GAPVD1: variants seen among roughly 807,000 people sequenced by gnomAD.
GAPVD1 encodes the protein GTPase-activating protein and VPS9 domain-containing protein 1.
Under a neutral mutation model 155.5 loss-of-function variants are expected in GAPVD1, and 35 were observed. That is an observed-to-expected ratio of 0.23 (90% confidence interval 0.17 to 0.30). The LOEUF (loss-of-function observed/expected upper bound fraction) is 0.30. Ranked by LOEUF, GAPVD1 falls within the 10% of genes least tolerant of loss-of-function variation. GAPVD1 has a pLI of 1.00. For missense variants in GAPVD1, 1,429 were observed against 1,775.7 expected (o/e 0.80, Z 3.51); for synonymous variants, 636 against 619.7 (o/e 1.03, Z -0.39).
rs1012753364 is a variant in GAPVD1 at position 125,337,559 on chromosome 9, T to G, written c.2845T>G (p.Ser949Ala). The change falls in exon 17 of 28, where the codon TCA (serine) becomes GCA (alanine). Residue 949 changes from serine to alanine, a missense_variant. Physicochemically the swap from Ser to Ala is moderately conservative, Grantham distance 99 (BLOSUM62 1). Around this residue, in one of 4 missense-constraint regions of GAPVD1, gnomAD observed 699 missense variants for 826.0 expected, o/e 0.85. Transcript: ENST00000297933. ...GGTGGCTGCACCTCATTCATCATCT[T>G]CATCCCCGAGTAAGGACTCCTCAAG... is the stretch of plus-strand genomic sequence containing the variant. ...SLVAAPHSSS[S>A]SPSKDSSRGE... The G allele has an allele frequency of 2.0e-5, 33 of 1,613,948 alleles. No homozygotes were observed. Among genetic ancestry groups the G allele is most frequent in the Non-Finnish European group, 2.5e-5 (30 of 1,179,982 alleles).
chr9:125,338,827 G>GTATTTAA (rs1847401207), intron 17 of GAPVD1, among the ~76,000 whole-genome samples: 1 of 152,144 alleles, frequency 6.6e-6, no homozygotes, highest in African/African-American at 2.4e-5. Flanking sequence ...TTTAGGGGGA[G>GTATTTAA]AGGGTACTTT....
chr9:125,271,519 C>T (rs1024595740), intron 2 of GAPVD1, among the ~76,000 whole-genome samples: 1 of 151,972 alleles, frequency 6.6e-6, no homozygotes, highest in African/African-American at 2.4e-5. Flanking sequence ...TTAACAAATA[C>T]TTATATTTTT....
chr9:125,351,898 G>A (rs982940569), intron 23 of GAPVD1, among the ~76,000 whole-genome samples: 2 of 152,076 alleles, frequency 1.3e-5, no homozygotes, highest in Non-Finnish European at 2.9e-5. Context: ...GCGCCACCAC[G>A]CCTGGCTAAT....
chr9:125,262,892 A>C (rs1472493816), intron 1 of GAPVD1, among the ~76,000 whole-genome samples: 3 of 152,192 alleles, frequency 2.0e-5, no homozygotes, highest in African/African-American at 7.2e-5. Flanking sequence ...GTGATCAATA[A>C]AAATTACGGA....
At chr9:125,334,797 TA>T (rs35307761) in intron 15 of GAPVD1, among the ~76,000 whole-genome samples, 43 of 148,610 alleles carry the variant, frequency 2.9e-4, no homozygotes, top group Admixed American at 3.4e-4. Context: ...GTCCCATCTT[TA>T]AAAAAAAAAA....
At chr9:125,303,237 T>A (rs1422904322) in intron 5 of GAPVD1, among the ~76,000 whole-genome samples, 4 of 151,970 alleles carry the variant, frequency 2.6e-5, no homozygotes. Flanking sequence ...CAGGCTGGTC[T>A]TAAACTCCTG....
intron 8 of GAPVD1, 107 bp downstream of exon 8, chr9:125,307,987 T>C (rs1733374357): frequency 1.3e-6 from 1 of 773,604 alleles, no homozygotes; most frequent in South Asian, 1.5e-5. Flanking sequence ...TGGGAAAGTC[T>C]TTCTCTTCAT....
intron 14 of GAPVD1, 88 bp downstream of exon 14, chr9:125,332,148 G>C: frequency 2.4e-6 from 3 of 1,268,532 alleles, no homozygotes; most frequent in Non-Finnish European, 3.3e-6. Flanking sequence ...AAAAAGATAT[G>C]TTATATTTAA....
chr9:125,282,589 T>G (rs74434164), intron 2 of GAPVD1, among the ~76,000 whole-genome samples: 1,654 of 152,348 alleles, frequency 0.011, 21 homozygotes, highest in African/African-American at 0.036. Flanking sequence ...TTTTGTTATG[T>G]GATGGATATG....
At chr9:125,343,881 C>G (rs1848169027) in intron 19 of GAPVD1, among the ~76,000 whole-genome samples, 1 of 152,160 alleles carries the variant, frequency 6.6e-6, no homozygotes, top group African/African-American at 2.4e-5. Context: ...TTAATGACAT[C>G]TCATGTTTTT....
At position 125,298,925 on chromosome 9, in the gene GAPVD1, G is replaced by A; in HGVS notation, c.4G>A (p.Val2Met). Residue 2 changes from valine (V) to methionine (M), a missense_variant, in exon 4 of 28, where the codon GTG becomes ATG. Physicochemically the swap from Val to Met is conservative, Grantham distance 21. Coordinates refer to ENST00000297933, the MANE Select transcript of GAPVD1 (RefSeq NM_001282680.3). Reference protein sequence around the residue: MVKLDIHTLAHH... With the variant: MMKLDIHTLAHH... ...TTGAGCCTTTCCCACATTGAAGATG[G>A]TGAAACTAGATATTCATACTCTGGC... The A allele has an allele frequency of 6.3e-7, 1 of 1,594,242 alleles. No homozygotes were observed. The highest frequency in any genetic ancestry group is 8.5e-7 in the Non-Finnish European group (1 of 1,170,012).
At chr9:125,287,341 C>A (rs545116777) in intron 2 of GAPVD1, among the ~76,000 whole-genome samples, 1 of 152,138 alleles carries the variant, frequency 6.6e-6, no homozygotes, top group South Asian at 2.1e-4. Flanking sequence ...AGTTTGAGAC[C>A]AGCTTCTACA....
chr9:125,360,664 A>G lies in GAPVD1; in HGVS notation c.4181A>G (p.Asn1394Ser), dbSNP rs146927853. The change falls in exon 27 of 28, where the codon AAT becomes AGT. Residue 1394 changes from asparagine to serine, a missense_variant. Coordinates refer to ENST00000297933, the MANE Select transcript of GAPVD1 (RefSeq NM_001282680.3). ...ATTATGAACCTCCTGAGCCTGGCCA[A>G]TGAGGACTCTGTCCCTGGAGCGGAT... The part of the protein sequence containing the change: ...STIMNLLSLA[N>S]EDSVPGADDF... The G allele has an allele frequency of 1.2e-5, 19 of 1,614,128 alleles. No individual in the cohort carries two copies. The Admixed American group carries it at 1.7e-4, about 14-fold the overall frequency.
At chr9:125,349,610 A>G (rs897437221) in intron 21 of GAPVD1, 91 bp downstream of exon 21, 2 of 1,109,420 alleles carry the variant, frequency 1.8e-6, no homozygotes, top group Non-Finnish European at 1.3e-6. Flanking sequence ...TGAGTCAATA[A>G]ATGTATAAAG....
chr9:125,338,947 G>A (rs1204351182), intron 17 of GAPVD1, among the ~76,000 whole-genome samples: 1 of 149,480 alleles, frequency 6.7e-6, no homozygotes, highest in Non-Finnish European at 1.5e-5. Flanking sequence ...GTGTGTGTGT[G>A]TGTGTGTGTG....
In GAPVD1 at chr9:125,302,498, T is replaced by C. The variant is rs1453787665; in HGVS notation, c.701T>C (p.Leu234Pro). Residue 234 changes from leucine to proline, a missense_variant, in exon 5 of 28, where the codon CTC becomes CCC. Around this residue, in one of 4 missense-constraint regions of GAPVD1, gnomAD observed 628 missense variants for 733.4 expected, o/e 0.86. Transcript: ENST00000297933. Reference protein sequence around the residue: ...ERFSPSQQEKLFGEKGSDRFR... With the variant: ...ERFSPSQQEKPFGEKGSDRFR... ...TTCTCTCCATCTCAGCAGGAAAAAC[T>C]CTTTGGAGAGAAGGGCTCAGATAGA... 1.9e-6 allele frequency: 3 copies of C among 1,613,714 alleles called. No individual in the cohort carries two copies. Among genetic ancestry groups the C allele is most frequent in the Non-Finnish European group, 2.5e-6 (3 of 1,179,996 alleles).
intron 8 of GAPVD1, chr9:125,308,622 A>C (rs529171833): frequency 1.3e-5 from 2 of 152,156 alleles, no homozygotes; most frequent in African/African-American, 2.4e-5. Flanking sequence ...CTATCTGTCT[A>C]TAAAAAAATT....
chr9:125,280,396 C>CAAAA (rs750354567), intron 2 of GAPVD1, among the ~76,000 whole-genome samples: 17 of 57,292 alleles, frequency 3.0e-4, no homozygotes, highest in South Asian at 7.8e-4. Context: ...AAGTCCATCT[C>CAAAA]AAAAAAAAAA....
In GAPVD1 at chr9:125,346,836, C is replaced by T. The variant is rs1309279352; in HGVS notation, c.3064C>T (p.Leu1022Phe). Reference sequence around the variant, plus strand: ...CCTTGCAGATGATCCCAGCCCTAGACTCAGTGCACAAGCTCAGGTGGCTGA... The same window carrying T: ...CCTTGCAGATGATCCCAGCCCTAGATTCAGTGCACAAGCTCAGGTGGCTGA... ...STLTDDPSPR[L>F]SAQAQVAEDI... The change falls in exon 20 of 28, where the codon CTC becomes TTC. Residue 1022 changes from leucine (L) to phenylalanine (F), a missense_variant. This residue lies in a region of GAPVD1 where 699 missense variants were observed against 826.0 expected (regional missense o/e 0.85). Transcript: ENST00000297933. 2.5e-6 allele frequency: 4 copies of T among 1,614,024 alleles called. No individual in the cohort carries two copies. Among genetic ancestry groups the T allele is most frequent in the Middle Eastern group, 1.7e-4 (1 of 6,060 alleles).
Sources: gnomAD v4.1 joint callset for allele counts (sites outside exome capture counted in the v4.1 genomes callset) on GRCh38, gnomAD v4.1.1 for gene constraint, gnomAD v4.1.1 regional missense constraint, MANE v1.5 for transcripts, NCBI Gene and HGNC (gene_info 2026-07-23, HGNC 2026-07-21) for gene names.